Variants in RALGAPB observed in about 807,000 individuals in gnomAD.
RALGAPB encodes ral GTPase-activating protein subunit beta.
Under a neutral mutation model 161.1 loss-of-function variants are expected in RALGAPB, and 25 were observed. That is an observed-to-expected ratio of 0.16 (90% CI 0.11 to 0.22). The LOEUF is 0.22. RALGAPB is among the 10% of genes least tolerant of loss of function. RALGAPB has a pLI of 1.00. For missense variants in RALGAPB, 1,391 were observed against 1,815.2 expected (o/e 0.77, Z 4.25); for synonymous variants, 629 against 626.1 (o/e 1.00, Z -0.07).
At chr20:38,516,458 GAAGGAA>G in intron 7 of RALGAPB, 88 bp downstream of exon 7, 2 of 1,223,730 alleles carry the variant, frequency 1.6e-6, no homozygotes, top group Non-Finnish European at 2.2e-6. Context: ...GAAAACATCC[GAAGGAA>G]AAGATGAACA....
chr20:38,565,593 A>C, intron 25 of RALGAPB, 115 bp downstream of exon 25: 8 of 1,280,730 alleles, frequency 6.2e-6, no homozygotes, highest in Non-Finnish European at 7.4e-6. Context: ...TTTAGCTTCT[A>C]AGGCATTATA....
rs1340295819 is a variant in RALGAPB at position 38,524,835 on chromosome 20, C to T, written c.1677C>T (p.Val559=). Residue 559 remains valine, a synonymous_variant, in exon 11 of 30, where the codon GTC becomes GTT. Coordinates refer to ENST00000262879, the MANE Select transcript of RALGAPB (RefSeq NM_020336.4). ...TAAATGATTATGTGTGCCATCCTGT[C>T]TTGGCCAGCGTTATTCTAAACTCTC... ...LQINDYVCHP[V]LASVILNSPP... The T allele has an allele frequency of 2.5e-5, 40 of 1,607,166 alleles. No individual in the cohort carries two copies. Among genetic ancestry groups the T allele is most frequent in the Non-Finnish European group, 3.4e-5 (40 of 1,173,696 alleles).
intron 5 of RALGAPB, among the ~76,000 whole-genome samples, chr20:38,505,534 T>A (rs1443119271): frequency 1.3e-5 from 2 of 152,140 alleles, no homozygotes; most frequent in African/African-American, 4.8e-5. Flanking sequence ...ATGTACCTCC[T>A]GAATCTAAAA....
intron 28 of RALGAPB, 133 bp from the exon 29 acceptor site, chr20:38,574,017 G>T: frequency 1.2e-6 from 1 of 832,190 alleles, no homozygotes; most frequent in Non-Finnish European, 1.8e-6. Context: ...CTGACCCCTT[G>T]GCTTTTCTCA....
intron 1 of RALGAPB, among the ~76,000 whole-genome samples, chr20:38,485,674 G>A (rs565563868): frequency 3.9e-5 from 6 of 152,074 alleles, no homozygotes; most frequent in South Asian, 4.2e-4. Flanking sequence ...TGATCTGCCC[G>A]CCTCGGCCTC....
chr20:38,475,019 A>G (rs1321937111), intron 1 of RALGAPB, among the ~76,000 whole-genome samples: 3 of 152,218 alleles, frequency 2.0e-5, no homozygotes, highest in African/African-American at 4.8e-5. Flanking sequence ...GAACACACAC[A>G]TTGAGTTCTT....
intron 13 of RALGAPB, among the ~76,000 whole-genome samples, chr20:38,529,886 G>A (rs2086598624): frequency 6.6e-6 from 1 of 152,064 alleles, no homozygotes; most frequent in African/African-American, 2.4e-5. Context: ...TTACAGTACT[G>A]TATTTATTGA....
chr20:38,473,310 C>G (rs1013187099), intron 1 of RALGAPB, among the ~76,000 whole-genome samples: 1 of 152,160 alleles, frequency 6.6e-6, no homozygotes, highest in African/African-American at 2.4e-5. Flanking sequence ...GGAGCTACCC[C>G]GGCCAGGCGA....
chr20:38,483,188 C>CT (rs1210743440), intron 1 of RALGAPB, among the ~76,000 whole-genome samples: 2 of 152,218 alleles, frequency 1.3e-5, no homozygotes, highest in Non-Finnish European at 2.9e-5. Context: ...CATACCTGGC[C>CT]TTATTCTATT....
rs3830825 is a variant in RALGAPB at position 38,569,867 on chromosome 20, G to GTCT, written c.3955-9_3955-7dup. On this transcript the variant is annotated intron_variant, in intron 26 of 29. Coordinates refer to ENST00000262879, the MANE Select transcript of RALGAPB (RefSeq NM_020336.4). ...GTTGCTGTTGTTTTTCCCGCTCTCTGTCTTCTTCTTCTTCATGTAGCTCAG... is the reference window on the plus strand; with the variant it reads ...GTTGCTGTTGTTTTTCCCGCTCTCTGTCTTCTTCTTCTTCTTCATGTAGCTCAG... 191 of 1,586,494 alleles carry GTCT rather than the reference G, an allele frequency of 1.2e-4. No individual in the cohort carries two copies. In the East Asian group the frequency reaches 1.9e-3, roughly 16 times the overall value.
At chr20:38,532,890 T>G in intron 15 of RALGAPB, 31 bp downstream of exon 15, 1 of 1,599,876 alleles carries the variant, frequency 6.3e-7, no homozygotes, top group Non-Finnish European at 8.5e-7. Flanking sequence ...AATTCAAAGT[T>G]TAATAGAATG....
chr20:38,571,891 T>C lies in RALGAPB; in HGVS notation c.4142+1044T>C, dbSNP rs145121522. On this transcript the variant is annotated intron_variant, in intron 28 of 29. Coordinates refer to ENST00000262879, the MANE Select transcript of RALGAPB (RefSeq NM_020336.4). ...TGTTTTCTTTTGGTTTTTTTGAAAA[T>C]AACCATCCTACCTGGAATGAGGTGC... is the stretch of plus-strand genomic sequence containing the variant. Among the ~76,000 whole-genome samples, 762 of 152,218 alleles carry C rather than the reference T, an allele frequency of 5.0e-3. 6 individuals are homozygous for C. Among genetic ancestry groups the C allele is most frequent in the African/African-American group, 0.017 (726 of 41,528 alleles).
intron 15 of RALGAPB, among the ~76,000 whole-genome samples, chr20:38,533,432 T>A (rs1168567214): frequency 6.6e-6 from 1 of 152,200 alleles, no homozygotes; most frequent in Non-Finnish European, 1.5e-5. Context: ...ATGGATTCTG[T>A]GAGTTTGTGG....
chr20:38,559,155 C>G (rs1281790092), intron 23 of RALGAPB, among the ~76,000 whole-genome samples: 5 of 152,078 alleles, frequency 3.3e-5, no homozygotes, highest in African/African-American at 1.2e-4. Flanking sequence ...ATTCACAAGA[C>G]AAAAGAAACT....
At chr20:38,519,175 T>G (rs1403158356) in intron 9 of RALGAPB, among the ~76,000 whole-genome samples, 1 of 152,170 alleles carries the variant, frequency 6.6e-6, no homozygotes, top group African/African-American at 2.4e-5. Context: ...TTCAGACACT[T>G]TATATTCTTC....
At chr20:38,476,819 A>C (rs2084815921) in intron 1 of RALGAPB, among the ~76,000 whole-genome samples, 1 of 152,234 alleles carries the variant, frequency 6.6e-6, no homozygotes, top group African/African-American at 2.4e-5. Context: ...AAAGTGTTGA[A>C]TATTTCATGT....
chr20:38,513,002 C>T (rs548681778), intron 6 of RALGAPB, among the ~76,000 whole-genome samples: 10 of 152,098 alleles, frequency 6.6e-5, no homozygotes, highest in Admixed American at 2.0e-4. Flanking sequence ...CCTCATGATC[C>T]GCCTGCCTCG....
intron 18 of RALGAPB, among the ~76,000 whole-genome samples, chr20:38,545,695 G>C (rs1271137260): frequency 6.6e-6 from 1 of 152,160 alleles, no homozygotes; most frequent in Non-Finnish European, 1.5e-5. Flanking sequence ...CAGGGACCAG[G>C]AGAACTTGGC....
At chr20:38,572,151 T>C (rs1270389455) in intron 28 of RALGAPB, among the ~76,000 whole-genome samples, 3 of 152,204 alleles carry the variant, frequency 2.0e-5, no homozygotes, top group Non-Finnish European at 4.4e-5. Context: ...GCAGTTAAAA[T>C]ATCCTAAATC....
Sources: gnomAD v4.1 joint callset for allele counts (sites outside exome capture counted in the v4.1 genomes callset) on GRCh38, gnomAD v4.1.1 for gene constraint, MANE v1.5 for transcripts, NCBI Gene and HGNC (gene_info 2026-07-23, HGNC 2026-07-21) for gene names.